The following FMN2 variants were observed in gnomAD, a reference collection of about 807,000 sequenced individuals.
FMN2 encodes formin 2.
A neutral mutation model predicts 142.3 loss-of-function variants in FMN2; 51 were observed. The ratio of observed to expected loss-of-function variants is 0.36; its 90% CI spans 0.29 to 0.45. FMN2 has a LOEUF of 0.45. Ranked by LOEUF, FMN2 falls within the 20% of genes least tolerant of loss-of-function variation. The pLI, the probability that FMN2 is intolerant of heterozygous loss-of-function variation, is 1.00. For synonymous variants in FMN2, 882 were observed against 869.8 expected (o/e 1.01, Z -0.25); for missense variants, 1,936 against 2,122.8 (o/e 0.91, Z 1.73).
chr1:240,181,608 G>T (rs755051989), intron 3 of FMN2, among the ~76,000 whole-genome samples: 8 of 152,168 alleles, frequency 5.3e-5, no homozygotes, highest in Non-Finnish European at 7.3e-5. Flanking sequence ...TCCCTCTGCA[G>T]TTGGCATTGT....
intron 15 of FMN2, among the ~76,000 whole-genome samples, chr1:240,401,650 G>T (rs976527083): frequency 6.6e-6 from 1 of 152,186 alleles, no homozygotes; most frequent in Non-Finnish European, 1.5e-5. Flanking sequence ...ACAGATAATT[G>T]TGATAGCTGA....
At chr1:240,456,544 C>A (rs1676251174) in intron 16 of FMN2, among the ~76,000 whole-genome samples, 2 of 152,174 alleles carry the variant, frequency 1.3e-5, no homozygotes, top group Non-Finnish European at 2.9e-5. Context: ...ACAACCTCTG[C>A]CTCCCGAGTT....
intron 7 of FMN2, among the ~76,000 whole-genome samples, chr1:240,280,188 A>G (rs1669350620): frequency 6.6e-6 from 1 of 152,168 alleles, no homozygotes; most frequent in Non-Finnish European, 1.5e-5. Flanking sequence ...GCCAATATAT[A>G]AATGTTTACA....
rs182911317 is a variant in FMN2, at chr1:240,310,493, G to A, written c.4215+15610G>A. Among the ~76,000 whole-genome samples, 505 of 152,224 alleles carry A rather than the reference G, an allele frequency of 3.3e-3. 2 individuals are homozygous for A. Among genetic ancestry groups the A allele is most frequent in the African/African-American group, 0.011 (461 of 41,552 alleles). On this transcript the variant is annotated intron_variant, in intron 8 of 17. Transcript: ENST00000319653. ...CCCTAATTTCAAAAACCACAATCCTGAGGACTCAATTCCTGTTTACTGAGG... is the reference window on the plus strand; with the variant it reads ...CCCTAATTTCAAAAACCACAATCCTAAGGACTCAATTCCTGTTTACTGAGG...
intron 6 of FMN2, among the ~76,000 whole-genome samples, chr1:240,234,274 C>T (rs1165133592): frequency 1.3e-5 from 2 of 152,100 alleles, no homozygotes; most frequent in African/African-American, 2.4e-5. Flanking sequence ...CCCCTACCCT[C>T]GCCATGATTC....
At chr1:240,385,783 T>A (rs1210806576) in intron 14 of FMN2, among the ~76,000 whole-genome samples, 2 of 152,220 alleles carry the variant, frequency 1.3e-5, no homozygotes, top group Non-Finnish European at 2.9e-5. Context: ...TATAGAATTT[T>A]TAAAGTATGT....
chr1:240,462,220 G>A (rs1676471598), intron 16 of FMN2, among the ~76,000 whole-genome samples: 1 of 152,054 alleles, frequency 6.6e-6, no homozygotes, highest in Admixed American at 6.6e-5. Flanking sequence ...TTACATATAT[G>A]TCTCCTAACC....
intron 14 of FMN2, among the ~76,000 whole-genome samples, chr1:240,388,261 A>C (rs1186985730): frequency 6.7e-6 from 1 of 149,428 alleles, no homozygotes; most frequent in South Asian, 2.1e-4. Context: ...AAAATCATGA[A>C]ACAACTCAAT....
intron 2 of FMN2, among the ~76,000 whole-genome samples, chr1:240,131,268 C>A (rs768133658): frequency 6.6e-6 from 1 of 152,114 alleles, no homozygotes. Flanking sequence ...GGGTCACAAT[C>A]GTGTTTAGGC....
intron 6 of FMN2, among the ~76,000 whole-genome samples, chr1:240,218,042 T>A (rs938073296): frequency 6.6e-6 from 1 of 152,096 alleles, no homozygotes; most frequent in Admixed American, 6.5e-5. Flanking sequence ...CCCAGCACTT[T>A]GGGAGGCCTA....
At chr1:240,143,631 T>C in intron 2 of FMN2, 1 of 1,610,176 alleles carries the variant, frequency 6.2e-7, no homozygotes, top group Non-Finnish European at 8.5e-7. Context: ...GGAATGGCTC[T>C]GATGCAACCT....
At chr1:240,118,145 A>T (rs952285779) in intron 1 of FMN2, among the ~76,000 whole-genome samples, 1 of 139,312 alleles carries the variant, frequency 7.2e-6, no homozygotes, top group African/African-American at 2.5e-5. Context: ...GGTGGGAGGT[A>T]GGGAGGTGGC....
intron 7 of FMN2, among the ~76,000 whole-genome samples, chr1:240,274,723 G>C (rs980170059): frequency 6.6e-6 from 1 of 152,138 alleles, no homozygotes; most frequent in Non-Finnish European, 1.5e-5. Context: ...CAGGACCAGA[G>C]TGGGAGCAGT....
intron 16 of FMN2, among the ~76,000 whole-genome samples, chr1:240,471,066 G>A (rs1676790158): frequency 6.6e-6 from 1 of 152,164 alleles, no homozygotes. Context: ...GTGTCAAATA[G>A]CAGAGCCAGA....
chr1:240,424,733 A>G (rs1674880004), intron 15 of FMN2, among the ~76,000 whole-genome samples: 1 of 152,160 alleles, frequency 6.6e-6, no homozygotes, highest in Non-Finnish European at 1.5e-5. Flanking sequence ...TGGGGAACAA[A>G]GCTCAAAAAA....
At chr1:240,243,140 A>AT in intron 6 of FMN2, among the ~76,000 whole-genome samples, 1 of 152,184 alleles carries the variant, frequency 6.6e-6, no homozygotes, top group South Asian at 2.1e-4. Context: ...GAAAAAAAAA[A>AT]CCAAAAAACA....
chr1:240,130,696 A>G (rs983842007), intron 2 of FMN2, among the ~76,000 whole-genome samples: 1 of 151,932 alleles, frequency 6.6e-6, no homozygotes, highest in Non-Finnish European at 1.5e-5. Flanking sequence ...TATACAGGGA[A>G]CTCCCATCCA....
chr1:240,278,352 T>C (rs1669287904), intron 7 of FMN2, among the ~76,000 whole-genome samples: 1 of 152,160 alleles, frequency 6.6e-6, no homozygotes, highest in African/African-American at 2.4e-5. Flanking sequence ...GTGATACTCT[T>C]GAGTAGTAAT....
At chr1:240,107,924 T>C (rs1337070554) in intron 1 of FMN2, among the ~76,000 whole-genome samples, 1 of 152,206 alleles carries the variant, frequency 6.6e-6, no homozygotes, top group African/African-American at 2.4e-5. Flanking sequence ...ATATCCCTAG[T>C]GTCAAGTAAC....
Sources: gnomAD v4.1 joint callset for allele counts (sites outside exome capture counted in the v4.1 genomes callset) on GRCh38, gnomAD v4.1.1 for gene constraint, MANE v1.5 for transcripts, NCBI Gene and HGNC (gene_info 2026-07-23, HGNC 2026-07-21) for gene names.